C9orf72: variants seen among roughly 807,000 people sequenced by gnomAD.
C9orf72 encodes C9orf72-SMCR8 complex subunit, also known as guanine nucleotide exchange factor C9orf72.
In C9orf72, 44 loss-of-function variants were observed where a neutral mutation model predicts 51.6. That is an observed-to-expected ratio of 0.85 (90% CI 0.67 to 1.10). C9orf72 has a LOEUF of 1.10. Ranked by LOEUF, C9orf72 falls within the 50% of genes least tolerant of loss-of-function variation. The pLI is 0.00. For synonymous variants in C9orf72, 213 were observed against 194.2 expected, an observed-to-expected ratio of 1.10 and a Z score of -0.81; for missense variants, 607 against 570.6, an observed-to-expected ratio of 1.06 and a Z score of -0.65.
intron 1 of C9orf72, among the ~76,000 whole-genome samples, chr9:27,572,140 T>C (rs1563908216): frequency 6.6e-6 from 1 of 152,244 alleles, no homozygotes; most frequent in Non-Finnish European, 1.5e-5. Flanking sequence ...AAATATTTTA[T>C]CAACTTCATA....
chr9:27,565,504 A>G, intron 3 of C9orf72, 27 bp downstream of exon 3: 1 of 1,479,676 alleles, frequency 6.8e-7, no homozygotes, highest in Non-Finnish European at 9.4e-7. Context: ...TGAGAAAAAC[A>G]TTTGACAGTA....
intron 8 of C9orf72, among the ~76,000 whole-genome samples, chr9:27,555,544 G>A (rs1012944212): frequency 6.8e-6 from 1 of 147,804 alleles, no homozygotes; most frequent in South Asian, 2.2e-4. Flanking sequence ...TATGTGCCAG[G>A]CATTATTGCA....
chr9:27,568,955 T>C (rs563562963), intron 1 of C9orf72, among the ~76,000 whole-genome samples: 1 of 152,052 alleles, frequency 6.6e-6, no homozygotes, highest in Non-Finnish European at 1.5e-5. Flanking sequence ...CCTAAAAACC[T>C]TCCAGTGGGA....
chr9:27,560,110 A>T, intron 6 of C9orf72, 117 bp downstream of exon 6: 1 of 566,976 alleles, frequency 1.8e-6, no homozygotes, highest in Non-Finnish European at 3.0e-6. Flanking sequence ...ATGAGATTAC[A>T]TTGCCTCCTT....
intron 8 of C9orf72, among the ~76,000 whole-genome samples, chr9:27,554,884 C>T (rs1391805286): frequency 6.6e-6 from 1 of 152,030 alleles, no homozygotes; most frequent in Admixed American, 6.6e-5. Flanking sequence ...ATTATTTTGT[C>T]ATGATCAGCA....
upstream of C9orf72, chr9:27,573,513 G>GC (rs1359093402): frequency 2.0e-5 from 1 of 51,058 alleles, no homozygotes; most frequent in African/African-American, 9.2e-5. Flanking sequence ...CCCCGGGCCC[G>GC]CCCCGACCAC....
At chr9:27,555,558 A>ATTT (rs35184194) in intron 8 of C9orf72, among the ~76,000 whole-genome samples, 1 of 135,766 alleles carries the variant, frequency 7.4e-6, no homozygotes, top group African/African-American at 2.8e-5. Context: ...TATTGCAAGC[A>ATTT]TTTTTTTTTT....
intron 8 of C9orf72, among the ~76,000 whole-genome samples, chr9:27,554,931 C>T (rs1425725128): frequency 6.6e-6 from 1 of 152,018 alleles, no homozygotes; most frequent in Admixed American, 6.6e-5. Flanking sequence ...TTTGTCAAAT[C>T]AGCAAAACAA....
chr9:27,551,987 T>C (rs891832019), intron 8 of C9orf72, among the ~76,000 whole-genome samples: 2 of 152,156 alleles, frequency 1.3e-5, no homozygotes, highest in African/African-American at 4.8e-5. Flanking sequence ...TTGGAAGGTG[T>C]TGGAGTATAG....
At position 27,561,626 on chromosome 9, in the gene C9orf72, A is replaced by G; in HGVS notation, c.624T>C (p.Asp208=). 6.2e-7 allele frequency: 1 copy of G among 1,609,344 alleles called. No individual in the cohort carries two copies. The change falls in exon 5 of 11, where the codon GAT becomes GAC. Residue 208 remains aspartate, a synonymous_variant. Transcript: ENST00000380003. Reference sequence around the variant, plus strand: ...CATGACAGCTGTCACCAATATCATCATCATTGAGTACTGTATCAGCTATCT... The same window carrying G: ...CATGACAGCTGTCACCAATATCATCGTCATTGAGTACTGTATCAGCTATCT... ...EIDIADTVLN[D]DDIGDSCHEG... is the part of the protein sequence containing the mutation.
chr9:27,560,177 T>C, intron 6 of C9orf72, 50 bp downstream of exon 6: 1 of 1,193,004 alleles, frequency 8.4e-7, no homozygotes, highest in Non-Finnish European at 1.2e-6. Flanking sequence ...CCATGATATA[T>C]CATCAGTCTT....
chr9:27,554,536 TTATTACC>T, intron 8 of C9orf72: 1 of 398,334 alleles, frequency 2.5e-6, no homozygotes, highest in African/African-American at 2.1e-5. Context: ...GGTACTATGC[TTATTACC>T]TGGGTAATGA....
intron 7 of C9orf72, among the ~76,000 whole-genome samples, chr9:27,557,946 A>G (rs1439882667): frequency 1.3e-5 from 2 of 151,732 alleles, no homozygotes; most frequent in Non-Finnish European, 2.9e-5. Flanking sequence ...TAGATTCAAC[A>G]AGGTGAACAA....
intron 8 of C9orf72, among the ~76,000 whole-genome samples, chr9:27,552,515 A>ATTTTTTTTTT (rs71492751): frequency 2.8e-5 from 3 of 105,646 alleles, no homozygotes; most frequent in East Asian, 2.9e-4. Flanking sequence ...TACCAAGCTA[A>ATTTTTTTTTT]TTTTTTTTTT....
intron 1 of C9orf72, among the ~76,000 whole-genome samples, chr9:27,573,132 GT>G (rs1174797788): frequency 1.3e-5 from 2 of 152,140 alleles, no homozygotes; most frequent in African/African-American, 2.4e-5. Context: ...CTCCCAGCGG[GT>G]CCCCGGGAAG....
Position 27,563,602 on chromosome 9 carries a change from C to G in C9orf72, c.505-1126G>C, listed in dbSNP as rs149224071. Among the ~76,000 whole-genome samples the G allele has an allele frequency of 8.0e-3, 1,220 of 152,196 alleles. 13 individuals carry two copies. The highest frequency in any genetic ancestry group is 0.027 in the African/African-American group (1,129 of 41,526). On this transcript the variant is annotated intron_variant, in intron 3 of 10. Transcript: ENST00000380003. ...AGCATCTTTAAGTTAGAATCTTTGT[C>G]AGACCCAGGGCCATTTTTGGAGTAA...
Position 27,567,051 on chromosome 9 carries a change from G to A in C9orf72, c.70C>T (p.Pro24Ser), listed in dbSNP as rs1171667768. The change falls in exon 2 of 11, where the codon CCT becomes TCT. Residue 24 changes from proline (P) to serine (S), a missense_variant. Pro to Ser is a moderately conservative substitution (Grantham distance 74, BLOSUM62 -1). Transcript: ENST00000380003. ...KTEIALSGKS[P>S]LLAATFAYWD... ...TAAGCAAAAGTAGCTGCTAATAAAG[G>A]TGATTTGCCACTTAAAGCAATCTCT... 1 of 1,614,048 alleles carries A rather than the reference G, an allele frequency of 6.2e-7. No individual in the cohort carries two copies. Among genetic ancestry groups the A allele is most frequent in the Non-Finnish European group, 8.5e-7 (1 of 1,179,908 alleles).
intron 3 of C9orf72, among the ~76,000 whole-genome samples, chr9:27,565,175 C>G (rs919296786): frequency 1.2e-4 from 19 of 152,206 alleles, no homozygotes; most frequent in Admixed American, 1.0e-3. Flanking sequence ...TGCTCTCCTT[C>G]TGTTACAGCT....
In C9orf72 at chr9:27,567,167, A is replaced by T. The variant is rs761496167; in HGVS notation, c.-44-3T>A. 4.7e-6 allele frequency: 7 copies of T among 1,475,166 alleles called. No homozygotes were observed. Among genetic ancestry groups the T allele is most frequent in the Non-Finnish European group, 5.6e-6 (6 of 1,068,542 alleles). 91.4% of individuals were successfully genotyped at this position (1,475,166 alleles called of 1,614,324 possible). ...TTATCCAAATGCTCCGGAGATATCT[A>T]AACAATGACATATGAAACCAATGAT... is the stretch of plus-strand genomic sequence containing the variant. On this transcript the variant is annotated splice_polypyrimidine_tract_variant and splice_region_variant and intron_variant, in intron 1 of 10. Coordinates refer to ENST00000380003, the MANE Select transcript of C9orf72 (RefSeq NM_018325.5).
Sources: allele counts gnomAD v4.1 joint callset (sites outside exome capture counted in the v4.1 genomes callset), GRCh38; gene constraint gnomAD v4.1.1; transcripts MANE v1.5; gene names NCBI Gene and HGNC (gene_info 2026-07-23, HGNC 2026-07-21).